The following SEC16B variants were observed in gnomAD, a reference collection of about 807,000 sequenced individuals.
SEC16B encodes the protein protein transport protein Sec16B.
SEC16B carries 115 observed loss-of-function variants against 141.8 expected under a neutral mutation model. The ratio of observed to expected loss-of-function variants is 0.81; its 90% CI spans 0.70 to 0.95. The LOEUF (loss-of-function observed/expected upper bound fraction) is 0.95, where lower values mean the gene tolerates loss of function less well. SEC16B is among the 40% of genes least tolerant of loss of function. SEC16B has a pLI of 0.00. For synonymous variants in SEC16B, 493 were observed against 492.5 expected (o/e 1.00, Z -0.01); for missense variants, 1,291 against 1,312.3 (o/e 0.98, Z 0.25).
intron 10 of SEC16B, among the ~76,000 whole-genome samples, chr1:177,957,004 A>AT: frequency 6.6e-6 from 1 of 152,188 alleles, no homozygotes; most frequent in African/African-American, 2.4e-5. Context: ...GGATGTAAAC[A>AT]TTGTAAGTCA....
intron 5 of SEC16B, 40 bp from the exon 6 acceptor site, chr1:177,961,774 G>C: frequency 6.3e-7 from 1 of 1,598,792 alleles, no homozygotes; most frequent in South Asian, 1.1e-5. Context: ...AGAAGTTTCA[G>C]AGAGCTGGTC....
chr1:177,962,188 C>T (rs1174786102), intron 5 of SEC16B, among the ~76,000 whole-genome samples: 2 of 152,062 alleles, frequency 1.3e-5, no homozygotes, highest in Non-Finnish European at 1.5e-5. Flanking sequence ...ATTCTTCTGC[C>T]TCAGCCTCCC....
At chr1:177,953,902 G>A (rs1441975944) in intron 11 of SEC16B, among the ~76,000 whole-genome samples, 1 of 151,978 alleles carries the variant, frequency 6.6e-6, no homozygotes, top group African/African-American at 2.4e-5. Context: ...AGAATAAGCA[G>A]TAGACAACTG....
rs1390892992 is a variant in SEC16B, at chr1:177,938,468, T to C, written c.2204-955A>G. Among the ~76,000 whole-genome samples the C allele has an allele frequency of 3.9e-5, 6 of 152,344 alleles. No homozygotes were observed. The South Asian group carries it at 8.3e-4, about 21-fold the overall frequency. ...TCCTATAACCTGTTAAATATGTATG[T>C]TTGATCAACCCATTCAACTTAAATT... On this transcript the variant is annotated intron_variant, in intron 18 of 25. Transcript: ENST00000308284.
At position 177,947,895 on chromosome 1, in the gene SEC16B, C is replaced by A; in HGVS notation, c.1593G>T (p.Val531=). 1 of 1,560,014 alleles carries A rather than the reference C, an allele frequency of 6.4e-7. No homozygotes were observed. ...GGTCCCCAGCCTGATTCGACAGAAT[C>A]ACAGCCAAGTGAGGCCTCCAGTCTC... ...QWGDWRPHLA[V]ILSNQAGDPE... The change falls in exon 13 of 26, where the codon GTG becomes GTT. Residue 531 remains valine (V), a synonymous_variant. Coordinates refer to ENST00000308284, the MANE Select transcript of SEC16B (RefSeq NM_033127.4).
At chr1:177,983,497 C>G (rs562315563) in intron 1 of SEC16B, among the ~76,000 whole-genome samples, 9 of 151,458 alleles carry the variant, frequency 5.9e-5, no homozygotes, top group Non-Finnish European at 1.3e-4. Context: ...TTATGCAGAG[C>G]TGAACATCAG....
chr1:177,929,864 T>C lies in SEC16B; in HGVS notation c.3177A>G (p.Pro1059=), dbSNP rs1650281066. 1.2e-6 allele frequency: 2 copies of C among 1,613,910 alleles called. No individual in the cohort carries two copies. Among genetic ancestry groups the C allele is most frequent in the Non-Finnish European group, 8.5e-7 (1 of 1,179,874 alleles). Residue 1059 remains proline, a synonymous_variant, in exon 26 of 26, where the codon CCA becomes CCG. Transcript: ENST00000308284. ...CTGGGACGTGTGTTTATTCTCAGCA[T>C]GGCTGGGTGGGATAGCGACGCTGAG... ...RLAQRRYPTQ[P]C is the part of the protein sequence containing the mutation.
At chr1:177,938,638 C>G (rs1651043042) in intron 18 of SEC16B, among the ~76,000 whole-genome samples, 1 of 152,144 alleles carries the variant, frequency 6.6e-6, no homozygotes, top group African/African-American at 2.4e-5. Flanking sequence ...TAAGTTAACA[C>G]TGCCTTGTAT....
intron 5 of SEC16B, 98 bp downstream of exon 5, chr1:177,964,073 C>T (rs1653302859): frequency 2.5e-6 from 2 of 802,526 alleles, no homozygotes; most frequent in East Asian, 5.9e-5. Context: ...CGGCTGGCCA[C>T]TGGACATCCA....
chr1:177,943,776 C>T (rs957765162), intron 15 of SEC16B, among the ~76,000 whole-genome samples: 3 of 152,206 alleles, frequency 2.0e-5, no homozygotes, highest in Non-Finnish European at 4.4e-5. Context: ...GCGCTGTTCT[C>T]GAGCATTAAG....
intron 11 of SEC16B, among the ~76,000 whole-genome samples, chr1:177,953,999 A>G (rs567574734): frequency 6.6e-6 from 1 of 152,268 alleles, no homozygotes; most frequent in South Asian, 2.1e-4. Context: ...GCCCCTCCCA[A>G]AGAAAGAAGG....
At position 177,943,129 on chromosome 1, in the gene SEC16B, T is replaced by C. The variant is rs74128477; in HGVS notation, c.1882-1089A>G. ...GCCAGGCACGCAGAAGCTAATCTCATTACTATCAGCCCCAAGCAGCACCAA... is the reference window on the plus strand; with the variant it reads ...GCCAGGCACGCAGAAGCTAATCTCACTACTATCAGCCCCAAGCAGCACCAA... On this transcript the variant is annotated intron_variant, in intron 15 of 25. Coordinates refer to ENST00000308284, the MANE Select transcript of SEC16B (RefSeq NM_033127.4). 4.1e-3 allele frequency among the ~76,000 whole-genome samples: 624 copies of C among 152,136 alleles called. 4 individuals are homozygous for C. Among genetic ancestry groups the C allele is most frequent in the African/African-American group, 0.014 (595 of 41,496 alleles).
At chr1:177,965,830 C>T in intron 3 of SEC16B, 63 bp downstream of exon 3, 1 of 1,029,434 alleles carries the variant, frequency 9.7e-7, no homozygotes, top group Non-Finnish European at 1.5e-6. Context: ...GGTCTCTCCC[C>T]TGCCTCTCAG....
At chr1:177,973,711 A>C (rs1654053989), upstream of SEC16B, among the ~76,000 whole-genome samples, 1 of 152,210 alleles carries the variant, frequency 6.6e-6, no homozygotes, top group Non-Finnish European at 1.5e-5. Context: ...CTGGGGATAC[A>C]AAGATAAATA....
Position 177,958,881 on chromosome 1 carries a change from G to C in SEC16B, c.1093C>G (p.Leu365Val). 6 of 1,613,844 alleles carry C rather than the reference G, an allele frequency of 3.7e-6. No individual in the cohort carries two copies. Among genetic ancestry groups the C allele is most frequent in the Non-Finnish European group, 5.1e-6 (6 of 1,179,778 alleles). Residue 365 changes from leucine (L) to valine (V), a missense_variant, in exon 9 of 26, where the codon CTA (leucine) becomes GTA (valine). Leu to Val is a conservative substitution (Grantham distance 32, BLOSUM62 1). Coordinates refer to ENST00000308284, the MANE Select transcript of SEC16B (RefSeq NM_033127.4). ...AGGAGAACCAAGAGCTGCCACAGTAGAGCTGAGTCTCTGCTCCCCAGTGTC... is the reference window on the plus strand; with the variant it reads ...AGGAGAACCAAGAGCTGCCACAGTACAGCTGAGTCTCTGCTCCCCAGTGTC... ...SETLGSRDSALLWQLLVLLCR... is the reference protein window; with the variant it reads ...SETLGSRDSAVLWQLLVLLCR...
chr1:177,967,849 T>G lies in SEC16B; in HGVS notation c.133A>C (p.Arg45=). 1.9e-6 allele frequency: 3 copies of G among 1,613,992 alleles called. No individual in the cohort carries two copies. Among genetic ancestry groups the G allele is most frequent in the Non-Finnish European group, 8.5e-7 (1 of 1,179,890 alleles). ...PVPHSWHNGE[R]FHQWQDNRGS... is the part of the protein sequence containing the mutation. ...CGGTTGTCTTGCCATTGGTGAAACC[T>G]CTCTCCATTGTGCCAAGAGTGAGGG... is the stretch of plus-strand genomic sequence containing the variant. Residue 45 remains arginine, a synonymous_variant, in exon 2 of 26, where the codon AGG becomes CGG. Transcript: ENST00000308284.
At chr1:177,948,694 G>C in intron 12 of SEC16B, 1 of 1,243,124 alleles carries the variant, frequency 8.0e-7, no homozygotes, top group Non-Finnish European at 1.0e-6. Context: ...ACAATATAAT[G>C]TCATGGAAAC....
chr1:177,962,042 C>T (rs1256907305), intron 5 of SEC16B, among the ~76,000 whole-genome samples: 2 of 152,042 alleles, frequency 1.3e-5, no homozygotes, highest in Non-Finnish European at 2.9e-5. Context: ...CATATCTGCC[C>T]TATATACTTC....
chr1:177,964,100 T>G (rs1211215199), intron 5 of SEC16B, 71 bp downstream of exon 5: 2 of 1,120,876 alleles, frequency 1.8e-6, no homozygotes, highest in Admixed American at 4.4e-5. Flanking sequence ...AGGGCCCTGT[T>G]CTGCCACTGC....
Sources: gnomAD v4.1 joint callset for allele counts (sites outside exome capture counted in the v4.1 genomes callset) on GRCh38, gnomAD v4.1.1 for gene constraint, MANE v1.5 for transcripts, NCBI Gene and HGNC (gene_info 2026-07-23, HGNC 2026-07-21) for gene names.